Variants in CD36 observed in about 807,000 individuals in gnomAD.
The protein encoded by CD36 is CD36 molecule (CD36 blood group), also known as platelet glycoprotein 4.
In CD36, 119 loss-of-function variants were observed where a neutral mutation model predicts 55.2. That is an observed-to-expected ratio of 2.15 (90% CI 1.86 to 2.51). CD36 has a LOEUF of 2.51. CD36 is among the 30% of genes most tolerant of loss of function. CD36 has a pLI of 0.00. For missense variants in CD36, 819 were observed against 555.5 expected (o/e 1.47, Z -4.77); for synonymous variants, 186 against 193.6 (o/e 0.96, Z 0.33).
intron 1 of CD36, chr7:80,639,861 A>G (rs1460396163): frequency 6.6e-6 from 1 of 152,064 alleles, no homozygotes; most frequent in Non-Finnish European, 1.5e-5. Flanking sequence ...AGTGAACCAG[A>G]ACAATAAACC....
At position 80,679,237 on chromosome 7, in the gene CD36, A is replaced by G. The variant is rs937330389; in HGVS notation, c.*2854A>G. On this transcript the variant is annotated 3_prime_UTR_variant, in exon 15 of 15. Transcript: ENST00000447544. ...TGGCTCAAAGGTAGCTGCATTTTAAAATATTTGTGAAAATAAAAACTTTTG... is the reference window on the plus strand; with the variant it reads ...TGGCTCAAAGGTAGCTGCATTTTAAGATATTTGTGAAAATAAAAACTTTTG... 5.9e-5 allele frequency: 9 copies of G among 152,162 alleles called. No homozygotes were observed. The highest frequency in any genetic ancestry group is 1.2e-4 in the Non-Finnish European group (8 of 68,022). The allele number at this position is 152,162 out of a possible 1,614,324, so 9.4% of individuals were successfully genotyped here. A position where few individuals can be genotyped will look rare whatever the true frequency, so the allele number is the denominator to read the frequency against.
chr7:80,674,259 T>C (rs2116922119), intron 14 of CD36, 112 bp downstream of exon 14: 5 of 698,064 alleles, frequency 7.2e-6, no homozygotes, highest in Non-Finnish European at 1.2e-5. Context: ...TAGACATGTC[T>C]AGCCACTGAT....
rs779886674 is a variant in CD36 at position 80,664,450 on chromosome 7, A to T, written c.654A>T (p.Lys218Asn). The part of the protein sequence containing the change: ...ADGVYKVFNG[K>N]DNISKVAIID... ...GAGTTTATAAAGTTTTCAATGGAAA[A>T]GATAACATAAGTAAAGTTGCCATAA... The change falls in exon 7 of 15, where the codon AAA becomes AAT. Residue 218 changes from lysine (K) to asparagine (N), a missense_variant. Physicochemically the swap from Lys to Asn is moderately conservative, Grantham distance 94. Coordinates refer to ENST00000447544, the MANE Select transcript of CD36 (RefSeq NM_001001548.3). The T allele has an allele frequency of 2.5e-6, 4 of 1,582,258 alleles. No individual in the cohort carries two copies. Among genetic ancestry groups the T allele is most frequent in the Non-Finnish European group, 3.5e-6 (4 of 1,151,304 alleles).
In CD36 at chr7:80,660,986, G is replaced by A. The variant is rs924746087; in HGVS notation, c.282-77G>A. ...TATTCTGTGTGTTCAAAAATCATTT[G>A]TTGAATGAATGACATTTGAGATCTA... On this transcript the variant is annotated intron_variant, in intron 4 of 14. Transcript: ENST00000447544. 3.7e-5 allele frequency: 40 copies of A among 1,083,482 alleles called. No individual in the cohort carries two copies. The East Asian group carries it at 9.0e-4, about 24-fold the overall frequency. 67.1% of individuals were successfully genotyped at this position (1,083,482 alleles called of 1,614,324 possible).
In CD36 at chr7:80,671,153, A is replaced by C; in HGVS notation, c.995A>C (p.Lys332Thr). 6.2e-7 allele frequency: 1 copy of C among 1,608,460 alleles called. No individual in the cohort carries two copies. Among genetic ancestry groups the C allele is most frequent in the Non-Finnish European group, 8.5e-7 (1 of 1,175,752 alleles). Residue 332 changes from lysine (K) to threonine (T), a missense_variant, in exon 10 of 15, where the codon AAA (lysine) becomes ACA (threonine). Physicochemically the swap from Lys to Thr is moderately conservative, Grantham distance 78 (BLOSUM62 -1). Coordinates refer to ENST00000447544, the MANE Select transcript of CD36 (RefSeq NM_001001548.3). ...CTSYGVLDIS[K>T]CKEGRPVYIS... ...TCATATGGTGTGCTAGACATCAGCA[A>C]ATGCAAAGAAGGTGAGTAAATAACC...
chr7:80,629,787 A>C (rs941948474), intron 1 of CD36, among the ~76,000 whole-genome samples: 4 of 152,026 alleles, frequency 2.6e-5, no homozygotes, highest in African/African-American at 9.7e-5. Flanking sequence ...AAATCCCTCA[A>C]CATACACCTT....
At chr7:80,647,585 C>G (rs1293877135) in intron 3 of CD36, among the ~76,000 whole-genome samples, 1 of 152,134 alleles carries the variant, frequency 6.6e-6, no homozygotes, top group Non-Finnish European at 1.5e-5. Context: ...TACACACTCA[C>G]TCATCAGAAA....
At chr7:80,665,064 T>TTTAAC (rs1413790238) in intron 7 of CD36, among the ~76,000 whole-genome samples, 16 of 152,122 alleles carry the variant, frequency 1.1e-4, no homozygotes, top group Non-Finnish European at 2.1e-4. Context: ...ACTCAGCTTT[T>TTTAAC]TTAACTTTAT....
intron 1 of CD36, among the ~76,000 whole-genome samples, chr7:80,603,080 C>A (rs1792332386): frequency 6.6e-6 from 1 of 152,066 alleles, no homozygotes; most frequent in Admixed American, 6.5e-5. Flanking sequence ...GGGGTGGGGG[C>A]AGATTTTGTT....
rs377172957 is a variant in CD36, at chr7:80,663,005, T to C, written c.445T>C (p.Tyr149His). The change falls in exon 6 of 15, where the codon TAT becomes CAT. Residue 149 changes from tyrosine (Y) to histidine (H), a missense_variant. By Grantham distance (83) the Tyr-to-His change is moderately conservative. Transcript: ENST00000447544. ...NLAVAAASHI[Y>H]QNQFVQMILN... Reference sequence around the variant, plus strand: ...GTTTTTGTAGGCTGCATCCCATATCTATCAAAATCAATTTGTTCAAATGAT... The same window carrying C: ...GTTTTTGTAGGCTGCATCCCATATCCATCAAAATCAATTTGTTCAAATGAT... The C allele has an allele frequency of 5.0e-6, 8 of 1,612,424 alleles. No homozygotes were observed. The highest frequency in any genetic ancestry group is 1.7e-4 in the Middle Eastern group (1 of 6,024).
intron 1 of CD36, among the ~76,000 whole-genome samples, chr7:80,621,619 AATTTAAAGGTC>A (rs1433935883): frequency 1.3e-5 from 2 of 152,362 alleles, no homozygotes; most frequent in Admixed American, 6.5e-5. Context: ...TAATTCAAAT[AATTTAAAGGTC>A]ATTTATATTT....
At chr7:80,653,925 T>G (rs1795814962) in intron 3 of CD36, among the ~76,000 whole-genome samples, 1 of 152,114 alleles carries the variant, frequency 6.6e-6, no homozygotes, top group Non-Finnish European at 1.5e-5. Flanking sequence ...AAGGACCTGA[T>G]TTTTCTATTA....
intron 14 of CD36, among the ~76,000 whole-genome samples, chr7:80,675,486 G>C (rs1463793211): frequency 1.3e-5 from 2 of 151,836 alleles, no homozygotes; most frequent in African/African-American, 4.8e-5. Context: ...AGATTCCTTG[G>C]GTCTATTTAT....
chr7:80,634,098 C>T (rs1794245443), upstream of CD36, among the ~76,000 whole-genome samples: 1 of 151,842 alleles, frequency 6.6e-6, no homozygotes, highest in African/African-American at 2.4e-5. Context: ...GCCCTTCAGT[C>T]AGTCAGTTTG....
chr7:80,672,879 T>C (rs1562825778), intron 12 of CD36, 36 bp downstream of exon 12: 1 of 1,322,362 alleles, frequency 7.6e-7, no homozygotes, highest in Non-Finnish European at 1.1e-6. Context: ...TGATATGATC[T>C]GTAGTATCGT....
chr7:80,656,140 A>G (rs1489045574), intron 3 of CD36, among the ~76,000 whole-genome samples: 1 of 152,132 alleles, frequency 6.6e-6, no homozygotes, highest in Non-Finnish European at 1.5e-5. Flanking sequence ...GTTTTGTTTC[A>G]TCAGTCCAAC....
At chr7:80,603,212 C>T (rs537163891) in intron 1 of CD36, among the ~76,000 whole-genome samples, 6 of 151,760 alleles carry the variant, frequency 4.0e-5, no homozygotes, top group South Asian at 2.1e-4. Context: ...ATGCATATTT[C>T]GAGACACAAT....
intron 12 of CD36, chr7:80,673,111 C>A: frequency 3.9e-6 from 2 of 519,216 alleles, no homozygotes; most frequent in Non-Finnish European, 6.8e-6. Flanking sequence ...TTTTGGAATT[C>A]ATATTTCAGT....
At chr7:80,661,684 A>AAAAC (rs200163390) in intron 5 of CD36, among the ~76,000 whole-genome samples, 25 of 152,224 alleles carry the variant, frequency 1.6e-4, no homozygotes, top group East Asian at 7.7e-4. Flanking sequence ...TAACCAAACA[A>AAAAC]AAACAAACAA....
Sources: allele counts gnomAD v4.1 joint callset (sites outside exome capture counted in the v4.1 genomes callset), GRCh38; gene constraint gnomAD v4.1.1; transcripts MANE v1.5; gene names NCBI Gene and HGNC (gene_info 2026-07-23, HGNC 2026-07-21).